CAPZA2: variants seen among roughly 807,000 people sequenced by gnomAD.
CAPZA2 encodes capping actin protein of muscle Z-line subunit alpha 2.
CAPZA2 carries 13 observed loss-of-function variants against 44.0 expected under a neutral mutation model. That is an observed-to-expected ratio of 0.30 (90% CI 0.19 to 0.47). The LOEUF (loss-of-function observed/expected upper bound fraction) is 0.47, where lower values mean the gene tolerates loss of function less well. Among genes scored for constraint, CAPZA2 ranks in the 20% least tolerant of loss-of-function variants. The pLI is 1.00. For synonymous variants in CAPZA2, 94 were observed against 108.2 expected (o/e 0.87, Z 0.81); for missense variants, 244 against 338.6 (o/e 0.72, Z 2.19).
intron 3 of CAPZA2, among the ~76,000 whole-genome samples, chr7:116,893,341 G>A (rs1292283859): frequency 6.6e-6 from 1 of 152,164 alleles, no homozygotes; most frequent in African/African-American, 2.4e-5. Flanking sequence ...TTATTGGCCA[G>A]GCTGGTCTTG....
chr7:116,917,493 G>A (rs1791696442), intron 9 of CAPZA2, among the ~76,000 whole-genome samples: 1 of 152,092 alleles, frequency 6.6e-6, no homozygotes, highest in Non-Finnish European at 1.5e-5. Flanking sequence ...TCCTGACCTC[G>A]TGATCCGCCC....
At chr7:116,886,266 C>T (rs1167990047) in intron 1 of CAPZA2, among the ~76,000 whole-genome samples, 1 of 152,080 alleles carries the variant, frequency 6.6e-6, no homozygotes, top group Non-Finnish European at 1.5e-5. Flanking sequence ...GATTCCAGAA[C>T]CTAAAGTTCT....
chr7:116,880,844 A>G (rs1046416429), intron 1 of CAPZA2, among the ~76,000 whole-genome samples: 7 of 149,652 alleles, frequency 4.7e-5, no homozygotes, highest in Non-Finnish European at 1.0e-4. Flanking sequence ...AGTAGCTGGG[A>G]TTACAGGTGT....
intron 9 of CAPZA2, among the ~76,000 whole-genome samples, chr7:116,917,403 C>T (rs1306569989): frequency 2.6e-5 from 4 of 152,100 alleles, no homozygotes; most frequent in East Asian, 1.9e-4. Flanking sequence ...TACAGACGCC[C>T]GCCACCATGC....
At chr7:116,887,102 G>C (rs995841383) in intron 1 of CAPZA2, among the ~76,000 whole-genome samples, 1 of 151,896 alleles carries the variant, frequency 6.6e-6, no homozygotes, top group Non-Finnish European at 1.5e-5. Flanking sequence ...ACTAATTTGT[G>C]AGTTTTTAAT....
At chr7:116,903,686 TA>T (rs1425942502) in intron 4 of CAPZA2, among the ~76,000 whole-genome samples, 5 of 152,188 alleles carry the variant, frequency 3.3e-5, no homozygotes, top group African/African-American at 1.2e-4. Context: ...ATGTAGTTTT[TA>T]AGAAGCAAGA....
chr7:116,882,481 T>C (rs201167587), intron 1 of CAPZA2, among the ~76,000 whole-genome samples: 2 of 152,128 alleles, frequency 1.3e-5, no homozygotes, highest in African/African-American at 4.8e-5. Context: ...TATTATTATT[T>C]TTTTTTACAA....
At chr7:116,913,652 A>G (rs907485902) in intron 8 of CAPZA2, among the ~76,000 whole-genome samples, 13 of 151,860 alleles carry the variant, frequency 8.6e-5, no homozygotes, top group African/African-American at 3.1e-4. Context: ...TGGCTCTGTC[A>G]CCCAGGCTGG....
intron 2 of CAPZA2, among the ~76,000 whole-genome samples, chr7:116,891,778 T>G (rs1367551883): frequency 1.3e-5 from 2 of 152,212 alleles, no homozygotes; most frequent in Admixed American, 1.3e-4. Flanking sequence ...CCCAAAGTGC[T>G]GGGATTACAG....
At chr7:116,885,042 T>G (rs999515512) in intron 1 of CAPZA2, among the ~76,000 whole-genome samples, 2 of 152,250 alleles carry the variant, frequency 1.3e-5, no homozygotes, top group East Asian at 3.8e-4. Flanking sequence ...ATATACTCTT[T>G]GGCGGCGAAG....
At chr7:116,901,626 A>G (rs1406061914) in intron 4 of CAPZA2, among the ~76,000 whole-genome samples, 2 of 152,152 alleles carry the variant, frequency 1.3e-5, no homozygotes, top group African/African-American at 4.8e-5. Flanking sequence ...GTTTACCTAT[A>G]TAATAAACCT....
chr7:116,870,117 A>G (rs568594315), intron 1 of CAPZA2, among the ~76,000 whole-genome samples: 1 of 152,360 alleles, frequency 6.6e-6, no homozygotes, highest in South Asian at 2.1e-4. Flanking sequence ...ATTTGTGAAT[A>G]GCAGTAATGA....
chr7:116,863,235 G>T (rs1796441166), intron 1 of CAPZA2, among the ~76,000 whole-genome samples: 1 of 152,100 alleles, frequency 6.6e-6, no homozygotes, highest in South Asian at 2.1e-4. Flanking sequence ...CCCCATGGAG[G>T]CATCTCTCCC....
chr7:116,891,162 A>G (rs1421054186), intron 2 of CAPZA2, among the ~76,000 whole-genome samples: 1 of 152,136 alleles, frequency 6.6e-6, no homozygotes. Flanking sequence ...GAAATATTTT[A>G]TTCAAATTAT....
At chr7:116,872,482 A>C (rs1434819787) in intron 1 of CAPZA2, among the ~76,000 whole-genome samples, 1 of 152,182 alleles carries the variant, frequency 6.6e-6, no homozygotes, top group Non-Finnish European at 1.5e-5. Context: ...CAAAATGATA[A>C]TTATAAAGGA....
chr7:116,914,025 A>ATTT (rs71148344), intron 8 of CAPZA2, among the ~76,000 whole-genome samples: 8 of 131,952 alleles, frequency 6.1e-5, no homozygotes, highest in Non-Finnish European at 9.8e-5. Context: ...ATTAAAGAAA[A>ATTT]TTTTTTTTTT....
chr7:116,863,789 GTTGTGGTGTTTAAGAAATCTTCA>G (rs1311809442), intron 1 of CAPZA2, among the ~76,000 whole-genome samples: 2 of 152,108 alleles, frequency 1.3e-5, no homozygotes, highest in East Asian at 3.9e-4. Context: ...ATTTAGGTAT[GTTGTGGTGTTTAAGAAATCTTCA>G]TGTAAGTCTG....
At chr7:116,866,300 T>C (rs190479361) in intron 1 of CAPZA2, among the ~76,000 whole-genome samples, 8,365 of 151,686 alleles carry the variant, frequency 0.055, 788 homozygotes, top group African/African-American at 0.19. Context: ...GCCTCCCGAG[T>C]AGCTGGGACT....
intron 1 of CAPZA2, among the ~76,000 whole-genome samples, chr7:116,879,402 A>G (rs1796662500): frequency 6.6e-6 from 1 of 152,162 alleles, no homozygotes; most frequent in Non-Finnish European, 1.5e-5. Flanking sequence ...CAATCTATCT[A>G]CAGCAGCAGT....
Sources: allele counts gnomAD v4.1 joint callset (sites outside exome capture counted in the v4.1 genomes callset), GRCh38; gene constraint gnomAD v4.1.1; transcripts MANE v1.5; gene names NCBI Gene and HGNC (gene_info 2026-07-23, HGNC 2026-07-21).